The following LINGO2 variants were observed in gnomAD, a reference collection of about 807,000 sequenced individuals.
The protein encoded by LINGO2 is leucine-rich repeat and immunoglobulin-like domain-containing nogo receptor-interacting protein 2.
LINGO2 carries 14 observed loss-of-function variants against 30.6 expected under a neutral mutation model. The ratio of observed to expected loss-of-function variants is 0.46; its 90% CI spans 0.30 to 0.72. The LOEUF (loss-of-function observed/expected upper bound fraction) is 0.72. LINGO2 is among the 30% of genes least tolerant of loss of function. LINGO2 has a pLI of 0.07. For missense variants in LINGO2, 729 were observed against 751.7 expected (o/e 0.97, Z 0.35); for synonymous variants, 317 against 288.5 (o/e 1.10, Z -1.00).
chr9:28,843,741 T>A, the LINGO2 span, among the ~76,000 whole-genome samples: 1 of 151,872 alleles, frequency 6.6e-6, no homozygotes, highest in South Asian at 2.1e-4. Context: ...GTGTTGTGAC[T>A]GCCTTTGTTA....
chr9:28,056,510 C>G (rs898090054), intron 4 of LINGO2, among the ~76,000 whole-genome samples: 5 of 152,108 alleles, frequency 3.3e-5, no homozygotes, highest in African/African-American at 1.2e-4. Context: ...ATCTACACCA[C>G]CCACCTTCAC....
chr9:28,300,297 C>T (rs1824091750), intron 3 of LINGO2, among the ~76,000 whole-genome samples: 1 of 152,074 alleles, frequency 6.6e-6, no homozygotes, highest in African/African-American at 2.4e-5. Flanking sequence ...TTGCAAAATA[C>T]TCATTTGATA....
chr9:28,481,094 GCC>G (rs66608103), intron 1 of LINGO2, among the ~76,000 whole-genome samples: 95,001 of 151,566 alleles, frequency 0.63, 30,043 homozygotes, highest in South Asian at 0.74. Context: ...TGGGCATGGA[GCC>G]CCATTTCTAA....
chr9:28,067,072 A>G (rs1825334274), intron 4 of LINGO2, among the ~76,000 whole-genome samples: 1 of 152,104 alleles, frequency 6.6e-6, no homozygotes, highest in Admixed American at 6.6e-5. Flanking sequence ...ATGGAATATG[A>G]ACTCTGGTCC....
chr9:28,343,537 C>T (rs569889849), intron 3 of LINGO2, among the ~76,000 whole-genome samples: 10 of 152,236 alleles, frequency 6.6e-5, no homozygotes, highest in East Asian at 5.8e-4. Flanking sequence ...TGATAGACAT[C>T]GTGATAAAAG....
chr9:28,443,598 G>C (rs1168404322), intron 2 of LINGO2, among the ~76,000 whole-genome samples: 1 of 152,216 alleles, frequency 6.6e-6, no homozygotes, highest in East Asian at 1.9e-4. Context: ...AGTTGTGGCT[G>C]AGCTTGGGTG....
chr9:27,951,885 T>C (rs1819332372), intron 5 of LINGO2, among the ~76,000 whole-genome samples: 2 of 152,094 alleles, frequency 1.3e-5, no homozygotes, highest in African/African-American at 2.4e-5. Context: ...ACAACCACAG[T>C]ATGTCTATAT....
At chr9:28,002,785 TC>T (rs200155448) in intron 5 of LINGO2, among the ~76,000 whole-genome samples, 1 of 146,106 alleles carries the variant, frequency 6.8e-6, no homozygotes, top group African/African-American at 2.6e-5. Context: ...TGGCACATTC[TC>T]CCCGTCAGTG....
intron 4 of LINGO2, among the ~76,000 whole-genome samples, chr9:28,288,043 T>G (rs937634315): frequency 6.6e-6 from 1 of 152,210 alleles, no homozygotes; most frequent in Non-Finnish European, 1.5e-5. Flanking sequence ...TCTGCACTCA[T>G]GGACCTGAAC....
At chr9:28,910,441 C>T in the LINGO2 span, among the ~76,000 whole-genome samples, 1 of 151,982 alleles carries the variant, frequency 6.6e-6, no homozygotes, top group Non-Finnish European at 1.5e-5. Context: ...CTAGAAAAGG[C>T]ATACACTCTG....
intron 1 of LINGO2, among the ~76,000 whole-genome samples, chr9:28,538,315 G>A (rs1049203789): frequency 6.6e-5 from 10 of 151,954 alleles, no homozygotes; most frequent in Admixed American, 2.6e-4. Flanking sequence ...GAATTCTGAC[G>A]TCATAAATTC....
At chr9:28,861,292 T>A in the LINGO2 span, among the ~76,000 whole-genome samples, 26 of 126,626 alleles carry the variant, frequency 2.1e-4, no homozygotes, top group Admixed American at 2.3e-3. Context: ...ATTATATATT[T>A]TATATATTAT....
At chr9:28,632,587 A>G (rs1188384653) in intron 1 of LINGO2, among the ~76,000 whole-genome samples, 1 of 144,996 alleles carries the variant, frequency 6.9e-6, no homozygotes, top group African/African-American at 2.5e-5. Flanking sequence ...ATATGTCGAT[A>G]TATGTAAATA....
At chr9:28,537,900 T>C (rs1448367921) in intron 1 of LINGO2, among the ~76,000 whole-genome samples, 1 of 151,812 alleles carries the variant, frequency 6.6e-6, no homozygotes, top group African/African-American at 2.4e-5. Context: ...ACACTTCTTT[T>C]AGAAGAAATA....
intron 3 of LINGO2, among the ~76,000 whole-genome samples, chr9:28,340,462 A>T (rs1825731974): frequency 6.6e-6 from 1 of 152,140 alleles, no homozygotes; most frequent in African/African-American, 2.4e-5. Flanking sequence ...ATGAAATTTG[A>T]TTTGAAGACA....
At chr9:28,501,466 CAA>C (rs1249582811) in intron 1 of LINGO2, among the ~76,000 whole-genome samples, 1 of 152,056 alleles carries the variant, frequency 6.6e-6, no homozygotes, top group East Asian at 1.9e-4. Context: ...CCAACAAAGT[CAA>C]GTGGGGAAAA....
intron 5 of LINGO2, among the ~76,000 whole-genome samples, chr9:27,997,220 C>A (rs1201353227): frequency 6.6e-6 from 1 of 152,172 alleles, no homozygotes; most frequent in Non-Finnish European, 1.5e-5. Context: ...AAGGTCTGGG[C>A]TAATTACCTA....
At chr9:29,110,412 A>C in the LINGO2 span, among the ~76,000 whole-genome samples, 1 of 151,950 alleles carries the variant, frequency 6.6e-6, no homozygotes, top group Non-Finnish European at 1.5e-5. Flanking sequence ...GGCTCACTGC[A>C]AGCTCCACCT....
At chr9:28,620,462 T>C (rs1185154811) in intron 1 of LINGO2, among the ~76,000 whole-genome samples, 1 of 152,108 alleles carries the variant, frequency 6.6e-6, no homozygotes, top group Non-Finnish European at 1.5e-5. Context: ...TCAGATCTAA[T>C]ACATAAGACA....
Sources: allele counts gnomAD v4.1 joint callset (sites outside exome capture counted in the v4.1 genomes callset), GRCh38; gene constraint gnomAD v4.1.1; transcripts MANE v1.5; gene names NCBI Gene and HGNC (gene_info 2026-07-23, HGNC 2026-07-21).